MRPL13: variants seen among roughly 807,000 people sequenced by gnomAD.
MRPL13 encodes mitochondrial ribosomal protein L13, also known as large ribosomal subunit protein uL13m.
Under a neutral mutation model 29.0 loss-of-function variants are expected in MRPL13, and 33 were observed. The ratio of observed to expected loss-of-function variants is 1.14; its 90% CI spans 0.86 to 1.52. The LOEUF is 1.52. Ranked by LOEUF, MRPL13 falls within the 40% of genes most tolerant of loss-of-function variation. The pLI is 0.00. For missense variants in MRPL13, 227 were observed against 216.7 expected (o/e 1.05, Z -0.30); for synonymous variants, 77 against 68.4 (o/e 1.13, Z -0.62).
At chr8:120,406,936 A>G (rs2130455293) in intron 6 of MRPL13, among the ~76,000 whole-genome samples, 1 of 152,346 alleles carries the variant, frequency 6.6e-6, no homozygotes, top group South Asian at 2.1e-4. Context: ...TTGAGTGAGA[A>G]AACAGAACTT....
At chr8:120,444,166 T>C (rs944639626) in intron 1 of MRPL13, among the ~76,000 whole-genome samples, 6 of 152,096 alleles carry the variant, frequency 3.9e-5, no homozygotes, top group African/African-American at 1.4e-4. Flanking sequence ...AAATTTTTAA[T>C]GAAAAAAATA....
At position 120,425,344 on chromosome 8, in the gene MRPL13, C is replaced by T. The variant is rs961914579; in HGVS notation, c.268G>A (p.Val90Ile). Residue 90 changes from valine to isoleucine, a missense_variant, in exon 4 of 7, where the codon GTA (valine) becomes ATA (isoleucine). Val to Ile is a conservative substitution (Grantham distance 29). Transcript: ENST00000306185. ...CTCAGGTGAAGCTGAGCAGCTGTTA[C>T]TTGTCTAAATCCACCTGGGTAGCTG... ...HTGYPGGFRQ[V>I]TAAQLHLRDP... The T allele has an allele frequency of 6.2e-7, 1 of 1,612,790 alleles. No individual in the cohort carries two copies. The highest frequency in any genetic ancestry group is 8.5e-7 in the Non-Finnish European group (1 of 1,179,128).
At position 120,414,105 on chromosome 8, in the gene MRPL13, G is replaced by A; in HGVS notation, c.401C>T (p.Pro134Leu). 1 of 1,556,582 alleles carries A rather than the reference G, an allele frequency of 6.4e-7. No individual in the cohort carries two copies. Among genetic ancestry groups the A allele is most frequent in the Non-Finnish European group, 8.6e-7 (1 of 1,160,078 alleles). Residue 134 changes from proline (P) to leucine (L), a missense_variant, in exon 6 of 7, where the codon CCA becomes CTA. Coordinates refer to ENST00000306185, the MANE Select transcript of MRPL13 (RefSeq NM_014078.6). ...TACTAAATTCTTAAGAATATCTTCT[G>A]GAATATACTACATTAAAAAAAAATT... ...RLHLFPDEYI[P>L]EDILKNLVEE...
At chr8:120,436,986 T>C (rs1236143260) in intron 2 of MRPL13, among the ~76,000 whole-genome samples, 3 of 152,280 alleles carry the variant, frequency 2.0e-5, no homozygotes, top group African/African-American at 7.2e-5. Flanking sequence ...GCTGAATGTA[T>C]AGATACTGTA....
At chr8:120,411,092 T>C (rs1309532939) in intron 6 of MRPL13, among the ~76,000 whole-genome samples, 1 of 151,752 alleles carries the variant, frequency 6.6e-6, no homozygotes, top group Non-Finnish European at 1.5e-5. Flanking sequence ...CGACAAGTCT[T>C]GCTCTGTTGT....
At chr8:120,430,262 A>G (rs1306645582) in intron 3 of MRPL13, among the ~76,000 whole-genome samples, 1 of 152,178 alleles carries the variant, frequency 6.6e-6, no homozygotes, top group Admixed American at 6.5e-5. Context: ...ACTTCATCTC[A>G]AAAAACAAAA....
chr8:120,437,103 CT>C (rs1324899821), intron 2 of MRPL13, among the ~76,000 whole-genome samples: 3 of 152,078 alleles, frequency 2.0e-5, no homozygotes, highest in Non-Finnish European at 4.4e-5. Context: ...TCCTTCAGTG[CT>C]TTGTAGGATG....
rs374009513 is a variant in MRPL13 at position 120,444,835 on chromosome 8, C to A, written c.27+233G>T. ...TCTGCTCTAATCCTCTTCCCCCCGC[C>A]CCCCCAAGAAAGACATGAAAAGGGC... On this transcript the variant is annotated intron_variant, in intron 1 of 6. Transcript: ENST00000306185. 3.2e-4 allele frequency: 150 copies of A among 462,532 alleles called. 3 individuals are homozygous for A. The highest frequency in any genetic ancestry group is 2.7e-3 in the African/African-American group (135 of 49,762). 28.7% of individuals were successfully genotyped at this position (462,532 alleles called of 1,614,324 possible). A position where few individuals can be genotyped will look rare whatever the true frequency, so the allele number is the denominator to read the frequency against.
intron 5 of MRPL13, chr8:120,415,409 C>G (rs962991189): frequency 1.2e-4 from 19 of 152,144 alleles, no homozygotes; most frequent in African/African-American, 4.3e-4. Flanking sequence ...AAGGACATGG[C>G]ATCAAATAAG....
intron 6 of MRPL13, among the ~76,000 whole-genome samples, chr8:120,406,177 C>G (rs1028328552): frequency 6.6e-6 from 1 of 152,034 alleles, no homozygotes; most frequent in African/African-American, 2.4e-5. Context: ...ATAAATTATA[C>G]AAATTTACTC....
At chr8:120,422,649 A>T (rs1439006001) in intron 4 of MRPL13, among the ~76,000 whole-genome samples, 1 of 149,694 alleles carries the variant, frequency 6.7e-6, no homozygotes, top group Non-Finnish European at 1.5e-5. Flanking sequence ...ATTAAAAGTA[A>T]TTAAAAATTT....
At chr8:120,405,970 T>C (rs1812662674) in intron 6 of MRPL13, among the ~76,000 whole-genome samples, 1 of 152,224 alleles carries the variant, frequency 6.6e-6, no homozygotes, top group African/African-American at 2.4e-5. Flanking sequence ...GGTGAATGTA[T>C]ATTGTACATT....
intron 2 of MRPL13, among the ~76,000 whole-genome samples, chr8:120,435,747 G>A (rs1228743130): frequency 6.6e-6 from 1 of 152,148 alleles, no homozygotes; most frequent in African/African-American, 2.4e-5. Context: ...CCCACCAGCA[G>A]TGTAAAAGCA....
Position 120,419,935 on chromosome 8 carries a change from C to T in MRPL13, c.310G>A (p.Val104Ile). Residue 104 changes from valine (V) to isoleucine (I), a missense_variant, in exon 5 of 7, where the codon GTA becomes ATA. Physicochemically the swap from Val to Ile is conservative, Grantham distance 29 (BLOSUM62 3). Transcript: ENST00000306185. ...QLHLRDPVAI[V>I]KLAIYGMLPK... ...AGCATGCCATAAATAGCTAGTTTTA[C>T]AATCTGAAAGATATACATAGGACAC... 1 of 1,586,688 alleles carries T rather than the reference C, an allele frequency of 6.3e-7. No homozygotes were observed.
Position 120,396,024 on chromosome 8 carries a change from A to T in MRPL13, c.*80T>A. 1 of 1,231,998 alleles carries T rather than the reference A, an allele frequency of 8.1e-7. No homozygotes were observed. The highest frequency in any genetic ancestry group is 1.2e-6 in the Non-Finnish European group (1 of 862,468). The allele number at this position is 1,231,998 out of a possible 1,614,324, so 76.3% of individuals were successfully genotyped here. The stretch of plus-strand genomic sequence containing the variant: ...GGTGCTGAACTGTAGCAGTTGTTTT[A>T]CTCCATCCTGTAGGTTAGAGAAACT... On this transcript the variant is annotated 3_prime_UTR_variant, in exon 7 of 7. Coordinates refer to ENST00000306185, the MANE Select transcript of MRPL13 (RefSeq NM_014078.6).
At chr8:120,409,678 C>T (rs568406949) in intron 6 of MRPL13, among the ~76,000 whole-genome samples, 283 of 152,222 alleles carry the variant, frequency 1.9e-3, no homozygotes, top group Middle Eastern at 0.01. Context: ...AACATATTTT[C>T]ACAAAATTTA....
chr8:120,408,698 TA>T (rs764652273), intron 6 of MRPL13, among the ~76,000 whole-genome samples: 10 of 152,196 alleles, frequency 6.6e-5, no homozygotes, highest in Non-Finnish European at 1.2e-4. Context: ...TTAGAAAAGG[TA>T]AAAATCCTTC....
At chr8:120,443,394 C>T in intron 1 of MRPL13, 86 bp from the exon 2 acceptor site, 1 of 1,169,930 alleles carries the variant, frequency 8.5e-7, no homozygotes, top group South Asian at 2.3e-5. Flanking sequence ...AATTTATTAT[C>T]ATATATCATC....
At chr8:120,444,266 C>T (rs1436948577) in intron 1 of MRPL13, among the ~76,000 whole-genome samples, 2 of 152,108 alleles carry the variant, frequency 1.3e-5, no homozygotes, top group Non-Finnish European at 2.9e-5. Flanking sequence ...AGGCAACAAA[C>T]AGCCCAAGGA....
Sources: allele counts gnomAD v4.1 joint callset (sites outside exome capture counted in the v4.1 genomes callset), GRCh38; gene constraint gnomAD v4.1.1; transcripts MANE v1.5; gene names NCBI Gene and HGNC (gene_info 2026-07-23, HGNC 2026-07-21).